The following MCF2L variants were observed in gnomAD, a reference collection of about 807,000 sequenced individuals.
MCF2L encodes MCF.2 cell line derived transforming sequence like, also known as guanine nucleotide exchange factor DBS.
In MCF2L, 97 loss-of-function variants were observed where a neutral mutation model predicts 153.4. The ratio of observed to expected loss-of-function variants is 0.63; its 90% CI spans 0.54 to 0.75. MCF2L has a LOEUF of 0.75. Among genes scored for constraint, MCF2L ranks in the 30% least tolerant of loss-of-function variants. The pLI, the probability that MCF2L is intolerant of heterozygous loss-of-function variation, is 0.00. For missense variants in MCF2L, 1,347 were observed against 1,495.2 expected (o/e 0.90, Z 1.64); for synonymous variants, 659 against 632.2 (o/e 1.04, Z -0.64).
At position 113,065,065 on chromosome 13, in the gene MCF2L, GAGA is replaced by G. The variant is rs2032143575; in HGVS notation, c.742_744del (p.Lys248del). 1.2e-6 allele frequency: 2 copies of G among 1,611,330 alleles called. No homozygotes were observed. Among genetic ancestry groups the G allele is most frequent in the East Asian group, 2.2e-5 (1 of 44,790 alleles). ...AAGCTCAGTGCTGTGTGCGCACACA[GAGA>G]AGAAGGACAAGGCGAAGGTACATGG... On this transcript the variant is annotated inframe_deletion, in exon 7 of 30. Transcript: ENST00000535094.
chr13:112,929,886 A>T (rs1449544890), intron 2 of MCF2L, among the ~76,000 whole-genome samples: 1 of 151,872 alleles, frequency 6.6e-6, no homozygotes, highest in African/African-American at 2.4e-5. Flanking sequence ...TTCCCAGATG[A>T]CCCCTGTTTT....
In MCF2L at chr13:113,045,104, G is replaced by T; in HGVS notation, c.279-167G>T. On this transcript the variant is annotated intron_variant, in intron 3 of 29. Coordinates refer to ENST00000535094, the MANE Select transcript of MCF2L (RefSeq NM_001112732.3). The surrounding 1 kb of genome is among the most constrained non-coding windows in gnomAD (Gnocchi z 4.2). ...GATGAGAGCAGGTTCTGGGACTGCG[G>T]GGATGGGGCTGCCGGGGCCCCCGTG... 1.1e-6 allele frequency: 1 copy of T among 913,702 alleles called. No individual in the cohort carries two copies. The allele number at this position is 913,702 out of a possible 1,614,324, so 56.6% of individuals were successfully genotyped here. A position where few individuals can be genotyped will look rare whatever the true frequency, so the allele number is the denominator to read the frequency against.
Position 112,897,200 on chromosome 13 carries a change from G to A in MCF2L, c.-5+2769G>A, listed in dbSNP as rs574320018. Among the ~76,000 whole-genome samples the A allele has an allele frequency of 4.6e-5, 7 of 152,126 alleles. No individual in the cohort carries two copies. In the South Asian group the frequency reaches 8.3e-4, roughly 18 times the overall value. On this transcript the variant is annotated intron_variant, in intron 1 of 29. Transcript: ENST00000375608. ...TTGGGAAAGCTACATCATGAGGGTC[G>A]CTCCTGGCGTCCTAAAGTGAACCTC...
At chr13:113,033,341 A>ATGTGAGTGGCCCCCGTGG (rs2085896241) in intron 3 of MCF2L, among the ~76,000 whole-genome samples, 6 of 67,374 alleles carry the variant, frequency 8.9e-5, no homozygotes, top group African/African-American at 1.3e-4. Context: ...GGCCCCCGTG[A>ATGTGAGTGGCCCCCGTGG]CATTAGTGGA....
chr13:113,058,716 CTGAG>C (rs1394685585), intron 4 of MCF2L, among the ~76,000 whole-genome samples: 3 of 112,840 alleles, frequency 2.7e-5, no homozygotes, highest in African/African-American at 1.1e-4. Flanking sequence ...TGTTTGGGCA[CTGAG>C]TGGGTGCTGT....
At chr13:113,083,547 G>A (rs1379159177) in intron 17 of MCF2L, among the ~76,000 whole-genome samples, 1 of 152,198 alleles carries the variant, frequency 6.6e-6, no homozygotes, top group Non-Finnish European at 1.5e-5. Flanking sequence ...CCCTCCAGCC[G>A]GACTTCCTCC....
At chr13:112,989,863 CTTTTCCA>C (rs1209497948) in intron 1 of MCF2L, among the ~76,000 whole-genome samples, 1 of 152,264 alleles carries the variant, frequency 6.6e-6, no homozygotes, top group Non-Finnish European at 1.5e-5. Context: ...TGGAAGATAA[CTTTTCCA>C]CAGATCAGGG....
chr13:113,050,518 T>C (rs1467034001), intron 4 of MCF2L, among the ~76,000 whole-genome samples: 1 of 150,796 alleles, frequency 6.6e-6, no homozygotes, highest in Non-Finnish European at 1.5e-5. Flanking sequence ...ACAAGGTGTC[T>C]GAGGGACCCC....
intron 2 of MCF2L, among the ~76,000 whole-genome samples, chr13:112,930,854 T>A (rs2081455338): frequency 6.6e-6 from 1 of 152,148 alleles, no homozygotes; most frequent in South Asian, 2.1e-4. Flanking sequence ...AGAGAATTGC[T>A]TGAACCCAGG....
At position 113,028,021 on chromosome 13, in the gene MCF2L, A is replaced by G. The variant is rs1363748407; in HGVS notation, c.278+3263A>G. Reference sequence around the variant, plus strand: ...CCGCCCCCTGATGGCACCTCCTGGCATGGGGCTAAATGAGATTCTGTGGTG... The same window carrying G: ...CCGCCCCCTGATGGCACCTCCTGGCGTGGGGCTAAATGAGATTCTGTGGTG... On this transcript the variant is annotated intron_variant, in intron 3 of 29. Coordinates refer to ENST00000535094, the MANE Select transcript of MCF2L (RefSeq NM_001112732.3). This position sits in a 1 kb window ranked among gnomAD's most constrained non-coding sequence, Gnocchi z 5.4. Among the ~76,000 whole-genome samples the G allele has an allele frequency of 6.6e-6, 1 of 152,154 alleles. No individual in the cohort carries two copies.
chr13:113,087,659 AGTGGGTTCACTGT>A, intron 22 of MCF2L, 35 bp from the exon 23 acceptor site: 1 of 1,487,936 alleles, frequency 6.7e-7, no homozygotes, highest in Non-Finnish European at 9.4e-7. Context: ...AAAACAAGGC[AGTGGGTTCACTGT>A]GCACGCGAAC....
chr13:112,915,214 C>G (rs1181030708), intron 2 of MCF2L, among the ~76,000 whole-genome samples: 2 of 151,712 alleles, frequency 1.3e-5, no homozygotes, highest in East Asian at 3.9e-4. Context: ...TCGAGACCAC[C>G]CTGGCTAACA....
chr13:112,990,132 G>A (rs1267227822), intron 1 of MCF2L, among the ~76,000 whole-genome samples: 1 of 152,194 alleles, frequency 6.6e-6, no homozygotes, highest in African/African-American at 2.4e-5. Flanking sequence ...ACCAGTACCG[G>A]TCTGTGGCTC....
intron 1 of MCF2L, among the ~76,000 whole-genome samples, chr13:113,007,352 G>A (rs982179772): frequency 6.6e-6 from 1 of 152,216 alleles, no homozygotes; most frequent in African/African-American, 2.4e-5. Context: ...GGCTCAGACA[G>A]TGTGACCTTG....
In MCF2L at chr13:112,993,276, G is replaced by A. The variant is rs2082966230; in HGVS notation, c.80-21487G>A. Among the ~76,000 whole-genome samples the A allele has an allele frequency of 6.6e-6, 1 of 152,210 alleles. No individual in the cohort carries two copies. ...GAACATGGTGGCGGGGGAGCGCCGG[G>A]CACACAACATGGTGGGTGTTCCTGG... is the stretch of plus-strand genomic sequence containing the variant. On this transcript the variant is annotated intron_variant, in intron 1 of 29. Transcript: ENST00000535094. The surrounding 1 kb of genome is among the most constrained non-coding windows in gnomAD (Gnocchi z 4.6).
In MCF2L at chr13:113,045,445, G is replaced by A. The variant is rs1247084053; in HGVS notation, c.369+84G>A. 14 of 1,189,564 alleles carry A rather than the reference G, an allele frequency of 1.2e-5. No homozygotes were observed. The highest frequency in any genetic ancestry group is 1.5e-5 in the Non-Finnish European group (12 of 807,902). The allele number at this position is 1,189,564 out of a possible 1,614,324, so 73.7% of individuals were successfully genotyped here. On this transcript the variant is annotated intron_variant, in intron 4 of 29. Coordinates refer to ENST00000535094, the MANE Select transcript of MCF2L (RefSeq NM_001112732.3). The surrounding 1 kb of genome is among the most constrained non-coding windows in gnomAD (Gnocchi z 4.2). ...ATGGTGCCCTTCCTCTGTGTCTGCCGCAGTTCCTGCTTTGTGCTGAGTGGG... is the reference window on the plus strand; with the variant it reads ...ATGGTGCCCTTCCTCTGTGTCTGCCACAGTTCCTGCTTTGTGCTGAGTGGG...
chr13:112,987,108 C>T (rs1281798839), intron 1 of MCF2L, among the ~76,000 whole-genome samples: 1 of 152,240 alleles, frequency 6.6e-6, no homozygotes, highest in South Asian at 2.1e-4. Context: ...GGTGAACTCA[C>T]TCAGTGGAGC....
At position 112,969,218 on chromosome 13, in the gene MCF2L, A is replaced by G; in HGVS notation, c.-162A>G. 3.4e-6 allele frequency: 4 copies of G among 1,171,304 alleles called. No individual in the cohort carries two copies. The highest frequency in any genetic ancestry group is 7.0e-5 in the South Asian group (2 of 28,446). 72.6% of individuals were successfully genotyped at this position (1,171,304 alleles called of 1,614,324 possible). On this transcript the variant is annotated 5_prime_UTR_variant, in exon 1 of 30. Transcript: ENST00000535094. The surrounding 1 kb of genome is among the most constrained non-coding windows in gnomAD (Gnocchi z 4.8). ...GCGCGCCCCCCTCCCGGTGGCGCGGAACCAATCCTGGGCAGGGAGGCGGCG... is the reference window on the plus strand; with the variant it reads ...GCGCGCCCCCCTCCCGGTGGCGCGGGACCAATCCTGGGCAGGGAGGCGGCG...
intron 3 of MCF2L, among the ~76,000 whole-genome samples, chr13:113,032,647 C>T (rs1454844056): frequency 2.6e-5 from 4 of 152,200 alleles, no homozygotes; most frequent in African/African-American, 9.7e-5. Flanking sequence ...CAGCTCACTG[C>T]CACCTCAACC....
Sources: allele counts gnomAD v4.1 joint callset (sites outside exome capture counted in the v4.1 genomes callset), GRCh38; gene constraint gnomAD v4.1.1; non-coding constraint Gnocchi (gnomAD v3.1); transcripts MANE v1.5; gene names NCBI Gene and HGNC (gene_info 2026-07-23, HGNC 2026-07-21).